Variants in ABHD2 observed in about 807,000 individuals in gnomAD.
The protein encoded by ABHD2 is abhydrolase domain containing 2, acylglycerol lipase.
A neutral mutation model predicts 48.1 loss-of-function variants in ABHD2; 20 were observed. That is an observed-to-expected ratio of 0.42 (90% CI 0.29 to 0.60). The LOEUF is 0.60. Ranked by LOEUF, ABHD2 falls within the 20% of genes least tolerant of loss-of-function variation. The pLI, the probability that ABHD2 is intolerant of heterozygous loss-of-function variation, is 0.24. For synonymous variants in ABHD2, 209 were observed against 214.2 expected, an observed-to-expected ratio of 0.98 and a Z score of 0.21; for missense variants, 405 against 550.9, an observed-to-expected ratio of 0.74 and a Z score of 2.65.
At chr15:89,152,106 C>T (rs1294389827) in intron 4 of ABHD2, among the ~76,000 whole-genome samples, 2 of 150,398 alleles carry the variant, frequency 1.3e-5, no homozygotes, top group Non-Finnish European at 3.0e-5. Context: ...GACGGAGTCT[C>T]GCTGTGTCGC....
intron 3 of ABHD2, among the ~76,000 whole-genome samples, chr15:89,147,790 T>G (rs2050519731): frequency 6.6e-6 from 1 of 151,718 alleles, no homozygotes; most frequent in Non-Finnish European, 1.5e-5. Flanking sequence ...TTTATAACTA[T>G]AAAAGATATT....
Position 89,102,994 on chromosome 15 carries a change from G to A in ABHD2, c.-106-10731G>A, listed in dbSNP as rs974631828. Among the ~76,000 whole-genome samples the A allele has an allele frequency of 6.6e-6, 1 of 152,242 alleles. No homozygotes were observed. Among genetic ancestry groups the A allele is most frequent in the African/African-American group, 2.4e-5 (1 of 41,462 alleles). On this transcript the variant is annotated intron_variant, in intron 1 of 10. Transcript: ENST00000352732. This position sits in a 1 kb window ranked among gnomAD's most constrained non-coding sequence, Gnocchi z 4.8. ...CAATAGTGGAGTGTTTGTGGTGGAC[G>A]GACGGGAGAGAGGAACACTTGAGGG... is the stretch of plus-strand genomic sequence containing the variant.
chr15:89,130,346 G>C (rs1567081365), intron 3 of ABHD2, among the ~76,000 whole-genome samples: 1 of 152,112 alleles, frequency 6.6e-6, no homozygotes, highest in Non-Finnish European at 1.5e-5. Flanking sequence ...CTGCTTCCGT[G>C]GTCATCACCG....
chr15:89,135,720 G>T, intron 3 of ABHD2: 1 of 1,290,724 alleles, frequency 7.7e-7, no homozygotes, highest in Non-Finnish European at 1.1e-6. Context: ...TTTTCCTTCA[G>T]CTTCGCAGCC....
At position 89,201,650 on chromosome 15, in the gene ABHD2, C is replaced by T. The variant is rs1306210221; in HGVS notation, c.*6227C>T. The T allele has an allele frequency of 6.2e-7, 1 of 1,604,712 alleles. No individual in the cohort carries two copies. Among genetic ancestry groups the T allele is most frequent in the African/African-American group, 1.3e-5 (1 of 74,716 alleles). ...AGTACCGGTGAGGCACGGTAGTCTT[C>T]ACTTTGAAACACACTTTTCTATCCG... is the stretch of plus-strand genomic sequence containing the variant. On this transcript the variant is annotated 3_prime_UTR_variant, in exon 11 of 11. Coordinates refer to ENST00000352732, the MANE Select transcript of ABHD2 (RefSeq NM_152924.5).
In ABHD2 at chr15:89,104,962, T is replaced by C. The variant is rs940071023; in HGVS notation, c.-106-8763T>C. On this transcript the variant is annotated intron_variant, in intron 1 of 10. Coordinates refer to ENST00000352732, the MANE Select transcript of ABHD2 (RefSeq NM_152924.5). This position sits in a 1 kb window ranked among gnomAD's most constrained non-coding sequence, Gnocchi z 4.4. ...TTACAGAATTTAATTATGGTGTAGATTTTTAAAAATATGTTTAGGATAAAT... is the reference window on the plus strand; with the variant it reads ...TTACAGAATTTAATTATGGTGTAGACTTTTAAAAATATGTTTAGGATAAAT... Among the ~76,000 whole-genome samples, 1 of 152,230 alleles carries C rather than the reference T, an allele frequency of 6.6e-6. No homozygotes were observed. Among genetic ancestry groups the C allele is most frequent in the African/African-American group, 2.4e-5 (1 of 41,454 alleles).
intron 5 of ABHD2, among the ~76,000 whole-genome samples, chr15:89,172,588 A>G (rs1199700052): frequency 2.6e-5 from 4 of 152,264 alleles, no homozygotes; most frequent in Admixed American, 1.3e-4. Context: ...AAACATGGGT[A>G]TACTTACATA....
intron 4 of ABHD2, among the ~76,000 whole-genome samples, chr15:89,153,941 C>A (rs2050631838): frequency 6.6e-6 from 1 of 152,110 alleles, no homozygotes; most frequent in Admixed American, 6.5e-5. Context: ...ACAATGTGGT[C>A]ATATTATAAT....
intron 3 of ABHD2, chr15:89,136,420 C>T: frequency 2.0e-6 from 1 of 497,558 alleles, no homozygotes; most frequent in Non-Finnish European, 3.9e-6. Flanking sequence ...TTCTTATGTG[C>T]CTCCCTACAA....
upstream of ABHD2, among the ~76,000 whole-genome samples, chr15:89,083,904 G>A (rs1023258509): frequency 6.6e-6 from 1 of 152,050 alleles, no homozygotes; most frequent in Non-Finnish European, 1.5e-5. This position sits in a 1 kb window ranked among gnomAD's most constrained non-coding sequence, Gnocchi z 5.1. Context: ...CCAGACAGTC[G>A]ACCTGGTAAC....
rs901020486 is a variant in ABHD2 at position 89,184,683 on chromosome 15, G to A, written c.723-741G>A. 1.3e-5 allele frequency among the ~76,000 whole-genome samples: 2 copies of A among 152,130 alleles called. No homozygotes were observed. Among genetic ancestry groups the A allele is most frequent in the African/African-American group, 4.8e-5 (2 of 41,416 alleles). On this transcript the variant is annotated intron_variant, in intron 6 of 10. Coordinates refer to ENST00000352732, the MANE Select transcript of ABHD2 (RefSeq NM_152924.5). The surrounding 1 kb of genome is among the most constrained non-coding windows in gnomAD (Gnocchi z 5.1). ...TCTCCTCCCTCTGCATGTGCTGCTG[G>A]CAGAACCTGGGCTCTGGAAAACAGG...
the ABHD2 span, among the ~76,000 whole-genome samples, chr15:89,057,426 C>G: frequency 6.6e-6 from 1 of 152,294 alleles, no homozygotes; most frequent in Admixed American, 6.5e-5. Flanking sequence ...AGGGGTTACA[C>G]AGTGACCACT....
In ABHD2 at chr15:89,188,340, C is replaced by A. The variant is rs774673321; in HGVS notation, c.926+37C>A. The A allele has an allele frequency of 6.3e-7, 1 of 1,588,274 alleles. No individual in the cohort carries two copies. Among genetic ancestry groups the A allele is most frequent in the African/African-American group, 1.3e-5 (1 of 74,448 alleles). ...CAGGCGGGAGAGGGACGCTCTGGGG[C>A]AGGGTGCCAGGCAGGAGGCTGCAGG... On this transcript the variant is annotated intron_variant, in intron 8 of 10. Coordinates refer to ENST00000352732, the MANE Select transcript of ABHD2 (RefSeq NM_152924.5). This position sits in a 1 kb window ranked among gnomAD's most constrained non-coding sequence, Gnocchi z 4.1.
the ABHD2 span, among the ~76,000 whole-genome samples, chr15:89,049,256 C>T: frequency 3.3e-5 from 5 of 152,196 alleles, no homozygotes; most frequent in Admixed American, 6.5e-5. Context: ...TCTCAGATCT[C>T]CAGCTGCATG....
chr15:89,138,308 C>T (rs1325850773), intron 3 of ABHD2, among the ~76,000 whole-genome samples: 1 of 152,234 alleles, frequency 6.6e-6, no homozygotes, highest in African/African-American at 2.4e-5. Context: ...GCTTCACTCC[C>T]AGTGTTTCCC....
chr15:89,048,691 A>G, the ABHD2 span, among the ~76,000 whole-genome samples: 5 of 151,930 alleles, frequency 3.3e-5, no homozygotes, highest in African/African-American at 1.2e-4. Context: ...TGATCGCATC[A>G]GCTCCTGAGG....
chr15:89,123,799 C>T (rs2050090953), intron 3 of ABHD2, among the ~76,000 whole-genome samples: 2 of 152,004 alleles, frequency 1.3e-5, no homozygotes, highest in Non-Finnish European at 2.9e-5. Flanking sequence ...CAGGGTCTCA[C>T]CTGTGTCACC....
Position 89,167,142 on chromosome 15 carries a change from T to C in ABHD2, c.539-8670T>C, listed in dbSNP as rs1207546443. On this transcript the variant is annotated intron_variant, in intron 5 of 10. Transcript: ENST00000352732. This position sits in a 1 kb window ranked among gnomAD's most constrained non-coding sequence, Gnocchi z 5.5. ...CTGTAAGAGCTTCAGGCAGTGATTT[T>C]TAAGGAACTTCTATTTTGTTTTTAC... 6.6e-6 allele frequency among the ~76,000 whole-genome samples: 1 copy of C among 152,214 alleles called. No homozygotes were observed. The highest frequency in any genetic ancestry group is 1.9e-4 in the East Asian group (1 of 5,196).
chr15:89,074,996 C>T, the ABHD2 span, among the ~76,000 whole-genome samples: 8 of 152,294 alleles, frequency 5.3e-5, no homozygotes, highest in African/African-American at 1.9e-4. Context: ...CAACCCTAAA[C>T]TTTAGTACAG....
Sources: gnomAD v4.1 joint callset for allele counts (sites outside exome capture counted in the v4.1 genomes callset) on GRCh38, gnomAD v4.1.1 for gene constraint, Gnocchi (gnomAD v3.1) non-coding constraint, MANE v1.5 for transcripts, NCBI Gene and HGNC (gene_info 2026-07-23, HGNC 2026-07-21) for gene names.